Variants in GOLM1 observed in about 807,000 individuals in gnomAD.
GOLM1 encodes the protein golgi membrane protein 1.
GOLM1 carries 31 observed loss-of-function variants against 50.5 expected under a neutral mutation model. The observed-to-expected ratio is 0.61, with a 90% CI of 0.46 to 0.83. The LOEUF is 0.83. GOLM1 is among the 40% of genes least tolerant of loss of function. The pLI, the probability that GOLM1 is intolerant of heterozygous loss-of-function variation, is 0.00. For missense variants in GOLM1, 491 were observed against 501.3 expected (o/e 0.98, Z 0.20); for synonymous variants, 178 against 192.8 (o/e 0.92, Z 0.64).
intron 3 of GOLM1, among the ~76,000 whole-genome samples, chr9:86,060,978 G>A (rs1323467269): frequency 6.7e-6 from 1 of 148,204 alleles, no homozygotes; most frequent in Non-Finnish European, 1.5e-5. Flanking sequence ...CTTGACATGA[G>A]GAATTCCTGG....
chr9:86,057,494 C>T (rs1013935538), intron 3 of GOLM1, among the ~76,000 whole-genome samples: 10 of 152,122 alleles, frequency 6.6e-5, no homozygotes, highest in Non-Finnish European at 1.5e-4. Flanking sequence ...CCGGCTCCCA[C>T]CTGTGGGCTC....
intron 4 of GOLM1, among the ~76,000 whole-genome samples, chr9:86,047,413 C>T (rs993968995): frequency 6.6e-6 from 1 of 152,192 alleles, no homozygotes; most frequent in African/African-American, 2.4e-5. Context: ...AAAATGGAAG[C>T]GTTCCGTGAA....
chr9:86,081,879 ACT>A (rs1187642979), intron 1 of GOLM1, among the ~76,000 whole-genome samples: 4 of 148,320 alleles, frequency 2.7e-5, no homozygotes, highest in African/African-American at 7.4e-5. Flanking sequence ...ACAGAGCGAG[ACT>A]CTGATTAAAA....
chr9:86,040,901 C>G (rs538048902), intron 5 of GOLM1, 33 bp from the exon 6 acceptor site: 4 of 1,606,496 alleles, frequency 2.5e-6, no homozygotes, highest in East Asian at 4.5e-5. Context: ...AAGGGCCTGA[C>G]GTCTATGACT....
At chr9:86,080,149 T>A (rs1834743795) in intron 1 of GOLM1, 1 of 152,228 alleles carries the variant, frequency 6.6e-6, no homozygotes. Context: ...ATTTCTCACT[T>A]TAGGGACCGT....
intron 1 of GOLM1, among the ~76,000 whole-genome samples, chr9:86,094,083 T>C (rs7020045): frequency 0.24 from 36,750 of 151,958 alleles, 7,541 homozygotes; most frequent in African/African-American, 0.54. Flanking sequence ...TCTGATGGCC[T>C]GGAAATATTC....
Position 86,033,277 on chromosome 9 carries a change from C to T in GOLM1, c.1129+5G>A. On this transcript the variant is annotated splice_donor_5th_base_variant and intron_variant, in intron 9 of 9. Transcript: ENST00000388712. ...CCTCGTCACCGATGTAGGCCCCATTCTTACCATCTATGTTTCTGTCATTCC... is the reference window on the plus strand; with the variant it reads ...CCTCGTCACCGATGTAGGCCCCATTTTTACCATCTATGTTTCTGTCATTCC... The T allele has an allele frequency of 1.3e-6, 2 of 1,532,730 alleles. No individual in the cohort carries two copies. The highest frequency in any genetic ancestry group is 1.1e-5 in the South Asian group (1 of 89,526). 94.9% of individuals were successfully genotyped at this position (1,532,730 alleles called of 1,614,324 possible). A position where few individuals can be genotyped will look rare whatever the true frequency, so the allele number is the denominator to read the frequency against.
In GOLM1 at chr9:86,039,155, C is replaced by CA. The variant is rs575029586; in HGVS notation, c.597+1583dup. Among the ~76,000 whole-genome samples, 153 of 152,232 alleles carry CA rather than the reference C, an allele frequency of 1.0e-3. 5 individuals carry two copies. In the East Asian group the frequency reaches 0.022, roughly 22 times the overall value. On this transcript the variant is annotated intron_variant, in intron 6 of 9. Transcript: ENST00000388712. ...CAAAGGACCCAAATAGACATTTCTT[C>CA]AAAGAAGATATACAAATGGCCAATG...
Position 86,026,369 on chromosome 9 carries a change from C to A in GOLM1, c.*1448G>T, listed in dbSNP as rs752213834. The A allele has an allele frequency of 3.6e-5, 35 of 985,102 alleles. No individual in the cohort carries two copies. The highest frequency in any genetic ancestry group is 4.2e-5 in the Non-Finnish European group (35 of 829,808). The allele number at this position is 985,102 out of a possible 1,614,324, so 61.0% of individuals were successfully genotyped here. A position where few individuals can be genotyped will look rare whatever the true frequency, so the allele number is the denominator to read the frequency against. ...GTTTAACCTTAGTGACTAAGGACATCACATATGAAGAATGTTTAAGTTGGA... is the reference window on the plus strand; with the variant it reads ...GTTTAACCTTAGTGACTAAGGACATAACATATGAAGAATGTTTAAGTTGGA... On this transcript the variant is annotated 3_prime_UTR_variant, in exon 10 of 10. Coordinates refer to ENST00000388712, the MANE Select transcript of GOLM1 (RefSeq NM_016548.4).
At chr9:86,035,669 T>C in intron 7 of GOLM1, 44 bp from the exon 8 acceptor site, 2 of 1,304,044 alleles carry the variant, frequency 1.5e-6, no homozygotes, top group Admixed American at 2.5e-5. Flanking sequence ...CAGCATTTGA[T>C]TTAAAAAAAA....
chr9:86,037,181 G>A (rs752301895), intron 6 of GOLM1, among the ~76,000 whole-genome samples: 3 of 152,300 alleles, frequency 2.0e-5, no homozygotes, highest in South Asian at 2.1e-4. Context: ...TTGGGAGGCC[G>A]AGGCAGGCAG....
intron 4 of GOLM1, among the ~76,000 whole-genome samples, chr9:86,049,951 C>G (rs1438345976): frequency 6.6e-6 from 1 of 152,144 alleles, no homozygotes; most frequent in African/African-American, 2.4e-5. Flanking sequence ...TGCCTGTTTT[C>G]AAAGGGAATG....
intron 3 of GOLM1, among the ~76,000 whole-genome samples, chr9:86,056,751 G>A (rs987558650): frequency 2.0e-5 from 3 of 151,782 alleles, no homozygotes; most frequent in Non-Finnish European, 2.9e-5. Flanking sequence ...TGATCTGCTC[G>A]CCTTGGCCTC....
Position 86,033,361 on chromosome 9 carries a change from G to A in GOLM1, c.1050C>T (p.Asp350=), listed in dbSNP as rs1040712922. The A allele has an allele frequency of 3.7e-6, 6 of 1,612,382 alleles. No homozygotes were observed. The African/African-American group carries it at 6.7e-5, about 18-fold the overall frequency. The part of the protein sequence containing the change: ...RNQQKLRGED[D]YNMDENEAES... ...CTGCTTCATTTTCATCCATGTTGTA[G>A]TCATCTTCTCCTCTCAGTTTCTGCT... The change falls in exon 9 of 10, where the codon GAC becomes GAT. Residue 350 remains aspartate, a synonymous_variant. Coordinates refer to ENST00000388712, the MANE Select transcript of GOLM1 (RefSeq NM_016548.4).
chr9:86,052,536 C>T lies in GOLM1; in HGVS notation c.364+1G>A. 1.2e-6 allele frequency: 2 copies of T among 1,613,612 alleles called. No homozygotes were observed. The highest frequency in any genetic ancestry group is 1.7e-6 in the Non-Finnish European group (2 of 1,179,576). On this transcript the variant is annotated splice_donor_variant, in intron 4 of 9. Transcript: ENST00000388712. LOFTEE classifies it high-confidence loss of function. Reference sequence around the variant, plus strand: ...GGTGTGGAGGAGCGAGCGGAACTTACCTTGCAGCACTCGGATGAGCCTCTC... The same window carrying T: ...GGTGTGGAGGAGCGAGCGGAACTTATCTTGCAGCACTCGGATGAGCCTCTC...
At chr9:86,043,946 A>AGT (rs1833449344) in intron 5 of GOLM1, among the ~76,000 whole-genome samples, 1 of 152,222 alleles carries the variant, frequency 6.6e-6, no homozygotes, top group African/African-American at 2.4e-5. Flanking sequence ...ATTTGCATTA[A>AGT]GGTTTCTTTA....
chr9:86,053,412 TCACACCAAAC>T (rs963527937), intron 3 of GOLM1, among the ~76,000 whole-genome samples: 1 of 60,724 alleles, frequency 1.6e-5, no homozygotes, highest in African/African-American at 6.6e-5. Context: ...ACCACACACT[TCACACCAAAC>T]CACACCACAC....
At chr9:86,035,866 C>CAAAAAAAAAAAAAAAA (rs1276980708) in intron 7 of GOLM1, among the ~76,000 whole-genome samples, 53 of 46,702 alleles carry the variant, frequency 1.1e-3, no homozygotes, top group South Asian at 1.4e-3. Context: ...AGTAGCTTAC[C>CAAAAAAAAAAAAAAAA]AAAAAAAAAA....
chr9:86,057,438 C>G (rs1264552553), intron 3 of GOLM1, among the ~76,000 whole-genome samples: 2 of 151,438 alleles, frequency 1.3e-5, no homozygotes, highest in Admixed American at 1.3e-4. Flanking sequence ...TTGAGTGAAA[C>G]AGGAGTGCTT....
Sources: gnomAD v4.1 joint callset for allele counts (sites outside exome capture counted in the v4.1 genomes callset) on GRCh38, gnomAD v4.1.1 for gene constraint, MANE v1.5 for transcripts, NCBI Gene and HGNC (gene_info 2026-07-23, HGNC 2026-07-21) for gene names.